Variants in GALNTL6 observed in about 807,000 individuals in gnomAD.
GALNTL6 encodes polypeptide N-acetylgalactosaminyltransferase-like 6.
Under a neutral mutation model 73.7 loss-of-function variants are expected in GALNTL6, and 46 were observed. The ratio of observed to expected loss-of-function variants is 0.62; its 90% CI spans 0.49 to 0.80. GALNTL6 has a LOEUF of 0.80. Among genes scored for constraint, GALNTL6 ranks in the 30% least tolerant of loss-of-function variants. The pLI is 0.00. For missense variants in GALNTL6, 604 were observed against 755.0 expected (o/e 0.80, Z 2.34); for synonymous variants, 259 against 263.7 (o/e 0.98, Z 0.17).
Position 172,196,006 on chromosome 4 carries a change from GTTTT to G in GALNTL6, c.139-33636_139-33633del, listed in dbSNP as rs147919669. On this transcript the variant is annotated intron_variant, in intron 2 of 12. Coordinates refer to ENST00000506823, the MANE Select transcript of GALNTL6 (RefSeq NM_001034845.3). ...AAAAATAAATGAATCCAGGAGCTGGGTTTTTTTTTTTTTTTTTAAATTAATAAAA... is the reference window on the plus strand; with the variant it reads ...AAAAATAAATGAATCCAGGAGCTGGGTTTTTTTTTTTTTAAATTAATAAAA... Among the ~76,000 whole-genome samples the G allele has an allele frequency of 4.7e-3, 596 of 127,204 alleles. 3 individuals carry two copies. Among genetic ancestry groups the G allele is most frequent in the African/African-American group, 0.016 (547 of 33,882 alleles). 83.5% of individuals were successfully genotyped at this position (127,204 alleles called of 152,430 possible). A position where few individuals can be genotyped will look rare whatever the true frequency, so the allele number is the denominator to read the frequency against.
At chr4:172,952,010 T>G in intron 9 of GALNTL6, 27 bp from the exon 10 acceptor site, 1 of 1,414,148 alleles carries the variant, frequency 7.1e-7, no homozygotes, top group Non-Finnish European at 9.3e-7. Context: ...AACCAATAAA[T>G]GACATTTTTG....
intron 2 of GALNTL6, among the ~76,000 whole-genome samples, chr4:171,962,450 C>G (rs555681947): frequency 2.2e-4 from 33 of 152,114 alleles, no homozygotes; most frequent in Non-Finnish European, 4.1e-4. Context: ...GACCTCTGGT[C>G]GTCCTCATTA....
chr4:172,773,096 G>T (rs1027417780), intron 5 of GALNTL6, among the ~76,000 whole-genome samples: 11 of 152,148 alleles, frequency 7.2e-5, no homozygotes, highest in Non-Finnish European at 1.6e-4. Flanking sequence ...AGTCACAAAG[G>T]GGGTTAGGAT....
At chr4:172,312,719 C>T (rs1740405247) in intron 4 of GALNTL6, among the ~76,000 whole-genome samples, 1 of 151,946 alleles carries the variant, frequency 6.6e-6, no homozygotes, top group African/African-American at 2.4e-5. Context: ...GATAATTGAC[C>T]CTTTAGAAAA....
chr4:171,903,676 C>A (rs971975284), intron 2 of GALNTL6, among the ~76,000 whole-genome samples: 1 of 150,116 alleles, frequency 6.7e-6, no homozygotes, highest in African/African-American at 2.5e-5. Flanking sequence ...TCTGGAGGCT[C>A]CACCTCTGGG....
At chr4:172,775,316 TTAAG>T (rs1193002390) in intron 5 of GALNTL6, among the ~76,000 whole-genome samples, 51 of 152,322 alleles carry the variant, frequency 3.3e-4, no homozygotes, top group African/African-American at 1.2e-3. Context: ...TTTTGGATAA[TTAAG>T]TGATTATTTG....
At chr4:172,261,424 T>C (rs146550477) in intron 3 of GALNTL6, among the ~76,000 whole-genome samples, 1 of 151,764 alleles carries the variant, frequency 6.6e-6, no homozygotes, top group African/African-American at 2.4e-5. Context: ...GAATGATCTT[T>C]TGTATTTCTG....
intron 5 of GALNTL6, among the ~76,000 whole-genome samples, chr4:172,617,633 C>T (rs1003519783): frequency 1.3e-4 from 19 of 151,816 alleles, no homozygotes; most frequent in South Asian, 4.2e-4. Flanking sequence ...CCCGCCACCA[C>T]GCCCAGCTAA....
At chr4:172,980,595 CCT>C (rs759151965) in intron 10 of GALNTL6, among the ~76,000 whole-genome samples, 1 of 152,166 alleles carries the variant, frequency 6.6e-6, no homozygotes, top group Non-Finnish European at 1.5e-5. Flanking sequence ...ATAGCCACCT[CCT>C]CTCTGTGTGT....
chr4:172,855,745 T>C (rs955757817), intron 7 of GALNTL6, among the ~76,000 whole-genome samples: 7 of 152,200 alleles, frequency 4.6e-5, no homozygotes, highest in African/African-American at 1.7e-4. Flanking sequence ...TTCCTCAGCA[T>C]GTAACATTTC....
chr4:172,133,939 A>C (rs969987027), intron 2 of GALNTL6, among the ~76,000 whole-genome samples: 2 of 152,212 alleles, frequency 1.3e-5, no homozygotes, highest in African/African-American at 4.8e-5. Flanking sequence ...AAAATGAGCA[A>C]TGTTAAAGAA....
chr4:172,156,055 A>G (rs1379035013), intron 2 of GALNTL6, among the ~76,000 whole-genome samples: 1 of 152,016 alleles, frequency 6.6e-6, no homozygotes, highest in African/African-American at 2.4e-5. Flanking sequence ...GTGGAGCTAC[A>G]GGCTGTTTTA....
At chr4:172,397,793 G>C (rs1487653428) in intron 5 of GALNTL6, among the ~76,000 whole-genome samples, 1 of 151,964 alleles carries the variant, frequency 6.6e-6, no homozygotes, top group East Asian at 1.9e-4. Context: ...TGGCCAGGAT[G>C]GTCTCGATCT....
chr4:172,044,174 A>G (rs1216995398), intron 2 of GALNTL6, among the ~76,000 whole-genome samples: 1 of 151,972 alleles, frequency 6.6e-6, no homozygotes, highest in East Asian at 1.9e-4. Context: ...ACATTCTACC[A>G]TATTTTAGTT....
At chr4:172,891,707 A>G (rs1032277138) in intron 8 of GALNTL6, among the ~76,000 whole-genome samples, 1 of 152,188 alleles carries the variant, frequency 6.6e-6, no homozygotes. Context: ...GAAATTTTTT[A>G]TAGATTATAT....
At chr4:172,450,651 A>G (rs1732177290) in intron 5 of GALNTL6, among the ~76,000 whole-genome samples, 1 of 152,212 alleles carries the variant, frequency 6.6e-6, no homozygotes, top group Non-Finnish European at 1.5e-5. Flanking sequence ...GTTCCTCACC[A>G]ACCTCATTCC....
At position 171,851,458 on chromosome 4, in the gene GALNTL6, G is replaced by A. The variant is rs77578621; in HGVS notation, c.138+36740G>A. Among the ~76,000 whole-genome samples, 1,188 of 152,284 alleles carry A rather than the reference G, an allele frequency of 7.8e-3. 21 individuals are homozygous for A. Among genetic ancestry groups the A allele is most frequent in the African/African-American group, 0.027 (1,129 of 41,550 alleles). On this transcript the variant is annotated intron_variant, in intron 2 of 12. Transcript: ENST00000506823. ...CTCCATATTGCTTTTGACAATGCCT[G>A]AGAGACTGTTATATATTATGTTTAT...
intron 5 of GALNTL6, among the ~76,000 whole-genome samples, chr4:172,625,384 GCT>G (rs755506083): frequency 2.2e-4 from 34 of 152,114 alleles, no homozygotes; most frequent in Non-Finnish European, 4.3e-4. Context: ...TATTTTTATG[GCT>G]GTGTAGTATT....
At chr4:172,641,556 G>A (rs74624291) in intron 5 of GALNTL6, among the ~76,000 whole-genome samples, 3 of 152,058 alleles carry the variant, frequency 2.0e-5, no homozygotes, top group East Asian at 3.9e-4. Context: ...TGCATGGCTC[G>A]CTCCTTCACC....
Sources: gnomAD v4.1 joint callset for allele counts (sites outside exome capture counted in the v4.1 genomes callset) on GRCh38, gnomAD v4.1.1 for gene constraint, MANE v1.5 for transcripts, NCBI Gene and HGNC (gene_info 2026-07-23, HGNC 2026-07-21) for gene names.